Variants in BLTP3B observed in about 807,000 individuals in gnomAD.
The protein encoded by BLTP3B is bridge-like lipid transfer protein family member 3B, also known as UHRF1 (ICBP90) binding protein 1-like.
At chr12:100,108,629 T>TA in the BLTP3B span, 1 of 1,196,976 alleles carries the variant, frequency 8.4e-7, no homozygotes, top group African/African-American at 1.5e-5. Context: ...TACAGAGAAC[T>TA]AAAAATATAA....
the BLTP3B span, among the ~76,000 whole-genome samples, chr12:100,117,089 T>C: frequency 6.6e-6 from 1 of 152,162 alleles, no homozygotes; most frequent in African/African-American, 2.4e-5. Context: ...ATAAATAACT[T>C]GGAGAAAATA....
the BLTP3B span, chr12:100,142,588 T>C: frequency 6.2e-7 from 1 of 1,608,284 alleles, no homozygotes; most frequent in Non-Finnish European, 8.5e-7. Flanking sequence ...AGGCGCTCAC[T>C]GACCTGGAGA....
chr12:100,130,957 T>G, the BLTP3B span, among the ~76,000 whole-genome samples: 1 of 102,960 alleles, frequency 9.7e-6, no homozygotes, highest in Non-Finnish European at 1.9e-5. Context: ...TACATATATA[T>G]ATATAGAGAG....
the BLTP3B span, among the ~76,000 whole-genome samples, chr12:100,070,607 C>G: frequency 6.6e-6 from 1 of 152,152 alleles, no homozygotes; most frequent in African/African-American, 2.4e-5. Context: ...AACAGATAGA[C>G]AGCCTTGTAA....
the BLTP3B span, among the ~76,000 whole-genome samples, chr12:100,079,751 C>T: frequency 2.6e-5 from 4 of 152,188 alleles, no homozygotes; most frequent in East Asian, 3.9e-4. Context: ...GAGGTCTTCA[C>T]GGCAGCCCCT....
At chr12:100,130,982 GGAGAGA>G in the BLTP3B span, among the ~76,000 whole-genome samples, 1,870 of 61,962 alleles carry the variant, frequency 0.03, 17 homozygotes, top group South Asian at 0.078. Context: ...AGAGAGGGAG[GGAGAGA>G]GAGAGAGAGA....
At chr12:100,119,706 T>A in the BLTP3B span, among the ~76,000 whole-genome samples, 26 of 152,090 alleles carry the variant, frequency 1.7e-4, no homozygotes, top group East Asian at 4.3e-3. Context: ...TTTTAAGAAG[T>A]GGTACCAGAA....
At chr12:100,051,624 T>C in the BLTP3B span, 1 of 154,198 alleles carries the variant, frequency 6.5e-6, no homozygotes. Flanking sequence ...AGGTGCTCAA[T>C]ACATTATTAA....
the BLTP3B span, among the ~76,000 whole-genome samples, chr12:100,073,511 G>A: frequency 6.6e-6 from 1 of 151,624 alleles, no homozygotes; most frequent in East Asian, 1.9e-4. Flanking sequence ...ATATTATTAG[G>A]TTGGTGCAAA....
chr12:100,041,904 A>G, the BLTP3B span, among the ~76,000 whole-genome samples: 2 of 152,196 alleles, frequency 1.3e-5, no homozygotes, highest in Non-Finnish European at 2.9e-5. Flanking sequence ...ACCTACTGGA[A>G]ATAATCAAGT....
the BLTP3B span, among the ~76,000 whole-genome samples, chr12:100,140,598 G>A: frequency 2.0e-5 from 3 of 149,242 alleles, no homozygotes; most frequent in African/African-American, 5.0e-5. Flanking sequence ...CCAGCTACTC[G>A]GGAGGCTGAG....
chr12:100,084,193 A>T, the BLTP3B span, among the ~76,000 whole-genome samples: 1 of 145,780 alleles, frequency 6.9e-6, no homozygotes, highest in Admixed American at 6.9e-5. Context: ...TGTCTCAAAG[A>T]AAAAAAAAAA....
chr12:100,041,767 G>A, the BLTP3B span, among the ~76,000 whole-genome samples: 1 of 152,002 alleles, frequency 6.6e-6, no homozygotes, highest in East Asian at 1.9e-4. Context: ...CATTGTTTTA[G>A]AGGTTCTAAC....
At chr12:100,084,617 T>G in the BLTP3B span, 1 of 1,614,172 alleles carries the variant, frequency 6.2e-7, no homozygotes, top group Non-Finnish European at 8.5e-7. Flanking sequence ...TTTTTTGTTT[T>G]GGTTGCATCA....
chr12:100,081,374 T>C, the BLTP3B span, among the ~76,000 whole-genome samples: 1 of 152,206 alleles, frequency 6.6e-6, no homozygotes, highest in Non-Finnish European at 1.5e-5. Flanking sequence ...TTTTGGAAAC[T>C]CCCAAAGTTG....
the BLTP3B span, among the ~76,000 whole-genome samples, chr12:100,123,767 G>C: frequency 6.6e-6 from 1 of 150,468 alleles, no homozygotes; most frequent in African/African-American, 2.4e-5. Flanking sequence ...TTTTTTAAAT[G>C]CATTCTCAAT....
the BLTP3B span, among the ~76,000 whole-genome samples, chr12:100,060,435 C>A: frequency 6.6e-6 from 1 of 152,166 alleles, no homozygotes; most frequent in African/African-American, 2.4e-5. Context: ...AGTATCACAT[C>A]AAAGTGGTCC....
At chr12:100,066,699 G>C in the BLTP3B span, among the ~76,000 whole-genome samples, 1 of 151,594 alleles carries the variant, frequency 6.6e-6, no homozygotes, top group Non-Finnish European at 1.5e-5. Flanking sequence ...AGCTACTCTG[G>C]AGGCTGAAGC....
the BLTP3B span, chr12:100,083,109 T>C: frequency 1.2e-6 from 2 of 1,613,784 alleles, no homozygotes; most frequent in Admixed American, 3.3e-5. Context: ...GTGTTCTGCA[T>C]GTCCCTTTCA....
Sources: gnomAD v4.1 joint callset for allele counts (sites outside exome capture counted in the v4.1 genomes callset) on GRCh38, gnomAD v4.1.1 for gene constraint, MANE v1.5 for transcripts, NCBI Gene and HGNC (gene_info 2026-07-23, HGNC 2026-07-21) for gene names.